The following RBM8A variants were observed in gnomAD, a reference collection of about 807,000 sequenced individuals.
RBM8A encodes RNA binding motif protein 8A.
In RBM8A, 8 loss-of-function variants were observed where a neutral mutation model predicts 25.1. The ratio of observed to expected loss-of-function variants is 0.32; its 90% CI spans 0.19 to 0.58. The LOEUF (loss-of-function observed/expected upper bound fraction) is 0.58. RBM8A is among the 20% of genes least tolerant of loss of function. The pLI is 0.88. For missense variants in RBM8A, 114 were observed against 236.8 expected, an observed-to-expected ratio of 0.48 and a Z score of 3.40; for synonymous variants, 66 against 80.0, an observed-to-expected ratio of 0.82 and a Z score of 0.94.
At position 145,926,229 on chromosome 1, in the gene RBM8A, C is replaced by G. The variant is rs879993474; in HGVS notation, c.343-52G>C. ...AAAACCCTCCTATTTCCCCAAGTAT[C>G]ACTGAGTATCTTTTTCCTCAAATCT... On this transcript the variant is annotated intron_variant, in intron 4 of 5. Transcript: ENST00000583313. 185 of 1,600,318 alleles carry G rather than the reference C, an allele frequency of 1.2e-4. No homozygotes were observed. In the Admixed American group the frequency reaches 3.0e-3, roughly 26 times the overall value.
At position 145,926,623 on chromosome 1, in the gene RBM8A, TGGG is replaced by T. The variant is rs1553755962; in HGVS notation, c.206-8_206-6del. 5 of 1,613,970 alleles carry T rather than the reference TGGG, an allele frequency of 3.1e-6. No individual in the cohort carries two copies. Among genetic ancestry groups the T allele is most frequent in the Non-Finnish European group, 4.2e-6 (5 of 1,179,952 alleles). On this transcript the variant is annotated splice_region_variant and splice_polypyrimidine_tract_variant and intron_variant, in intron 3 of 5. Coordinates refer to ENST00000583313, the MANE Select transcript of RBM8A (RefSeq NM_005105.5). ...AGAGAATCCAGCCTTCAACAGCTGT[TGGG>T]GGACGGGGGGAAGTTGTATGAGTAC...
rs1238927575 is a variant in RBM8A, at chr1:145,923,277, C to G, written c.*2605G>C. 6.7e-6 allele frequency: 1 copy of G among 148,786 alleles called. No homozygotes were observed. Among genetic ancestry groups the G allele is most frequent in the African/African-American group, 2.5e-5 (1 of 39,228 alleles). The allele number at this position is 148,786 out of a possible 1,614,324, so 9.2% of individuals were successfully genotyped here. A position where few individuals can be genotyped will look rare whatever the true frequency, so the allele number is the denominator to read the frequency against. On this transcript the variant is annotated 3_prime_UTR_variant, in exon 6 of 6. Coordinates refer to ENST00000583313, the MANE Select transcript of RBM8A (RefSeq NM_005105.5). ...TCACAATTCTCAAGCACTTCTTAGG[C>G]AGAGCACAAAAACAAAAACAAAAAA...
At chr1:145,926,417 C>G in intron 4 of RBM8A, 65 bp downstream of exon 4, 1 of 1,578,446 alleles carries the variant, frequency 6.3e-7, no homozygotes, top group Non-Finnish European at 8.6e-7. Flanking sequence ...ACAGCAAACA[C>G]AGAACTACGA....
chr1:145,925,835 T>C lies in RBM8A; in HGVS notation c.*47A>G, dbSNP rs1553755745. 1.3e-6 allele frequency: 2 copies of C among 1,572,418 alleles called. No individual in the cohort carries two copies. Among genetic ancestry groups the C allele is most frequent in the Non-Finnish European group, 1.7e-6 (2 of 1,143,890 alleles). ...CCAGTCCTATTTGTCCAAGGCTGCA[T>C]GGTCAAATGGAATCTTGAAGAGAAC... On this transcript the variant is annotated 3_prime_UTR_variant, in exon 6 of 6. Coordinates refer to ENST00000583313, the MANE Select transcript of RBM8A (RefSeq NM_005105.5).
In RBM8A at chr1:145,923,403, T is replaced by G. The variant is rs1647920534; in HGVS notation, c.*2479A>C. 1 of 153,296 alleles carries G rather than the reference T, an allele frequency of 6.5e-6. No homozygotes were observed. Among genetic ancestry groups the G allele is most frequent in the Non-Finnish European group, 1.5e-5 (1 of 68,626 alleles). 9.5% of individuals were successfully genotyped at this position (153,296 alleles called of 1,614,324 possible). A position where few individuals can be genotyped will look rare whatever the true frequency, so the allele number is the denominator to read the frequency against. Reference sequence around the variant, plus strand: ...TCGTAACTCCAAACAGTTCACAAAATTCTCTTAGGCTGAAACTATTCATCT... The same window carrying G: ...TCGTAACTCCAAACAGTTCACAAAAGTCTCTTAGGCTGAAACTATTCATCT... On this transcript the variant is annotated 3_prime_UTR_variant, in exon 6 of 6. Transcript: ENST00000583313.
rs1559231852 is a variant in RBM8A, at chr1:145,926,887, C to G, written c.128-1G>C. On this transcript the variant is annotated splice_acceptor_variant, in intron 2 of 5. Transcript: ENST00000583313. LOFTEE classifies it high-confidence loss of function. ...CGCATCCGCGCTCGGGACCCCTCTT[C>G]TATAAGGGACATACACGAGATCACC... The G allele has an allele frequency of 6.2e-7, 1 of 1,614,116 alleles. No individual in the cohort carries two copies. Among genetic ancestry groups the G allele is most frequent in the East Asian group, 2.2e-5 (1 of 44,884 alleles).
rs782601250 is a variant in RBM8A at position 145,925,940 on chromosome 1, A to C, written c.480-13T>G. The C allele has an allele frequency of 5.0e-6, 8 of 1,614,082 alleles. No homozygotes were observed. The highest frequency in any genetic ancestry group is 3.3e-5 in the Admixed American group (2 of 60,002). On this transcript the variant is annotated splice_polypyrimidine_tract_variant and intron_variant, in intron 5 of 5. Coordinates refer to ENST00000583313, the MANE Select transcript of RBM8A (RefSeq NM_005105.5). ...TCTTCGGCCACCTCTAGGGAAAAAGAAGCAGGGAGAGGAGTCCATTAGAGG... is the reference window on the plus strand; with the variant it reads ...TCTTCGGCCACCTCTAGGGAAAAAGCAGCAGGGAGAGGAGTCCATTAGAGG...
At chr1:145,926,965 ACC>A in intron 2 of RBM8A, 51 bp downstream of exon 2, 1 of 1,613,112 alleles carries the variant, frequency 6.2e-7, no homozygotes, top group South Asian at 1.1e-5. Context: ...GGACTCCAAA[ACC>A]CGTAGCTCCT....
rs935852511 is a variant in RBM8A, at chr1:145,923,193, T to A, written c.*2689A>T. 1 of 152,274 alleles carries A rather than the reference T, an allele frequency of 6.6e-6. No homozygotes were observed. The highest frequency in any genetic ancestry group is 6.6e-5 in the Admixed American group (1 of 15,260). 9.4% of individuals were successfully genotyped at this position (152,274 alleles called of 1,614,324 possible). On this transcript the variant is annotated 3_prime_UTR_variant, in exon 6 of 6. Coordinates refer to ENST00000583313, the MANE Select transcript of RBM8A (RefSeq NM_005105.5). ...ATCCGCCCGCCTCAGCCTCCCAAAG[T>A]GCTGGGATTACAGGCGTGAGCCACC...
Position 145,925,610 on chromosome 1 carries a change from GA to G in RBM8A, c.*271del, listed in dbSNP as rs1489977934. The stretch of plus-strand genomic sequence containing the variant: ...CAGCAAGACTCTATCTCAAAAAAAA[GA>G]AAAAAAAGAAATACATAGAGTTCAG... On this transcript the variant is annotated 3_prime_UTR_variant, in exon 6 of 6. Coordinates refer to ENST00000583313, the MANE Select transcript of RBM8A (RefSeq NM_005105.5). The G allele has an allele frequency of 7.2e-6, 3 of 415,858 alleles. No homozygotes were observed. The highest frequency in any genetic ancestry group is 8.8e-6 in the Non-Finnish European group (2 of 226,450). The allele number at this position is 415,858 out of a possible 1,614,324, so 25.8% of individuals were successfully genotyped here.
rs1648115664 is a variant in RBM8A, at chr1:145,925,765, C to T, written c.*117G>A. 13 of 1,193,504 alleles carry T rather than the reference C, an allele frequency of 1.1e-5. No homozygotes were observed. In the South Asian group the frequency reaches 1.1e-4, roughly 10 times the overall value. The allele number at this position is 1,193,504 out of a possible 1,614,324, so 73.9% of individuals were successfully genotyped here. ...ACATTTATTCGCAACTCAAATACTA[C>T]GCATATACGGTAAGAGATTAAATAT... On this transcript the variant is annotated 3_prime_UTR_variant, in exon 6 of 6. Transcript: ENST00000583313.
At position 145,925,601 on chromosome 1, in the gene RBM8A, CAAAAAAAAG is replaced by C. The variant is rs1648101353; in HGVS notation, c.*272_*280del. ...TGGGTAACACAGCAAGACTCTATCT[CAAAAAAAAG>C]AAAAAAAAGAAATACATAGAGTTCA... On this transcript the variant is annotated 3_prime_UTR_variant, in exon 6 of 6. Transcript: ENST00000583313. 2.6e-6 allele frequency: 1 copy of C among 384,832 alleles called. No individual in the cohort carries two copies. Among genetic ancestry groups the C allele is most frequent in the Admixed American group, 4.2e-5 (1 of 24,084 alleles). 23.8% of individuals were successfully genotyped at this position (384,832 alleles called of 1,614,324 possible).
rs1313663918 is a variant in RBM8A at position 145,926,888 on chromosome 1, T to C, written c.128-2A>G. On this transcript the variant is annotated splice_acceptor_variant, in intron 2 of 5. Coordinates refer to ENST00000583313, the MANE Select transcript of RBM8A (RefSeq NM_005105.5). LOFTEE classifies it high-confidence loss of function. Reference sequence around the variant, plus strand: ...GCATCCGCGCTCGGGACCCCTCTTCTATAAGGGACATACACGAGATCACCG... The same window carrying C: ...GCATCCGCGCTCGGGACCCCTCTTCCATAAGGGACATACACGAGATCACCG... The C allele has an allele frequency of 1.2e-6, 2 of 1,614,104 alleles. No individual in the cohort carries two copies. The highest frequency in any genetic ancestry group is 1.1e-5 in the South Asian group (1 of 91,078).
At chr1:145,927,313 C>G in intron 1 of RBM8A, 47 bp downstream of exon 1, 1 of 1,589,702 alleles carries the variant, frequency 6.3e-7, no homozygotes, top group Non-Finnish European at 8.6e-7. Flanking sequence ...TTATAGCCTT[C>G]TCTCGCACCT....
In RBM8A at chr1:145,926,149, T is replaced by A. The variant is rs781906077; in HGVS notation, c.371A>T (p.Tyr124Phe). The A allele has an allele frequency of 2.4e-5, 38 of 1,613,856 alleles. No homozygotes were observed. Among genetic ancestry groups the A allele is most frequent in the Non-Finnish European group, 3.1e-5 (37 of 1,180,014 alleles). Residue 124 changes from tyrosine to phenylalanine, a missense_variant, in exon 5 of 6, where the codon TAC (tyrosine) becomes TTC (phenylalanine). This residue lies in a region of RBM8A where 102 missense variants were observed against 182.7 expected (regional missense o/e 0.56). Transcript: ENST00000583313. Reference protein sequence around the residue: ...KGYTLVEYETYKEAQAAMEGL... With the variant: ...KGYTLVEYETFKEAQAAMEGL... Reference sequence around the variant, plus strand: ...CTCCATAGCAGCCTGGGCTTCCTTGTATGTTTCATATTCAACTAGAGTATA... The same window carrying A: ...CTCCATAGCAGCCTGGGCTTCCTTGAATGTTTCATATTCAACTAGAGTATA...
chr1:145,923,903 G>C lies in RBM8A; in HGVS notation c.*1979C>G. 1.7e-6 allele frequency: 1 copy of C among 586,258 alleles called. No individual in the cohort carries two copies. 36.3% of individuals were successfully genotyped at this position (586,258 alleles called of 1,614,324 possible). Reference sequence around the variant, plus strand: ...AGCGCAATGTTAGAATAGTACTTGAGAAAGCAGGATTGTTTTAAGTTCCAA... The same window carrying C: ...AGCGCAATGTTAGAATAGTACTTGACAAAGCAGGATTGTTTTAAGTTCCAA... On this transcript the variant is annotated 3_prime_UTR_variant, in exon 6 of 6. Transcript: ENST00000583313.
chr1:145,924,461 C>A lies in RBM8A; in HGVS notation c.*1421G>T. Reference sequence around the variant, plus strand: ...ACCTACCTAATAGCTATCTACCAGTCACTAAACCATGGTGAGATTCTAACC... The same window carrying A: ...ACCTACCTAATAGCTATCTACCAGTAACTAAACCATGGTGAGATTCTAACC... On this transcript the variant is annotated 3_prime_UTR_variant, in exon 6 of 6. Transcript: ENST00000583313. The A allele has an allele frequency of 2.4e-6, 1 of 422,790 alleles. No homozygotes were observed. The allele number at this position is 422,790 out of a possible 1,614,324, so 26.2% of individuals were successfully genotyped here.
rs781831157 is a variant in RBM8A, at chr1:145,926,904, G to T, written c.128-18C>A. ...CCCCTCTTCTATAAGGGACATACAC[G>T]AGATCACCGAAAACTCCTCCTTTCT... On this transcript the variant is annotated intron_variant, in intron 2 of 5. Transcript: ENST00000583313. 2 of 1,613,836 alleles carry T rather than the reference G, an allele frequency of 1.2e-6. No individual in the cohort carries two copies. The highest frequency in any genetic ancestry group is 1.7e-6 in the Non-Finnish European group (2 of 1,179,990).
At chr1:145,926,235 G>GT in intron 4 of RBM8A, 58 bp from the exon 5 acceptor site, 1 of 1,596,376 alleles carries the variant, frequency 6.3e-7, no homozygotes, top group Admixed American at 1.7e-5. Context: ...GTATCACTGA[G>GT]TATCTTTTTC....
Sources: allele counts gnomAD v4.1 joint callset, GRCh38; gene constraint gnomAD v4.1.1; regional missense constraint gnomAD v4.1.1; transcripts MANE v1.5; gene names NCBI Gene and HGNC (gene_info 2026-07-23, HGNC 2026-07-21).